Variants in RGMB observed in about 807,000 individuals in gnomAD.
RGMB encodes repulsive guidance molecule B.
RGMB carries 16 observed loss-of-function variants against 26.9 expected under a neutral mutation model. The observed-to-expected ratio is 0.60, with a 90% CI of 0.40 to 0.90. RGMB has a LOEUF of 0.90. Among genes scored for constraint, RGMB ranks in the 40% least tolerant of loss-of-function variants. The pLI is 0.00. For missense variants in RGMB, 512 were observed against 573.3 expected (o/e 0.89, Z 1.09); for synonymous variants, 225 against 229.3 (o/e 0.98, Z 0.17).
At chr5:98,783,170 T>C (rs986658358) in intron 2 of RGMB, among the ~76,000 whole-genome samples, 4 of 152,162 alleles carry the variant, frequency 2.6e-5, no homozygotes, top group African/African-American at 9.7e-5. Context: ...TGCCTCCCTC[T>C]CTTTGGAGGA....
chr5:98,774,066 C>A lies in RGMB; in HGVS notation c.-5C>A. On this transcript the variant is annotated 5_prime_UTR_variant, in exon 1 of 3. Coordinates refer to ENST00000513185, the MANE Select transcript of RGMB (RefSeq NM_001366508.1). ...CCGGAGCCCACGAGACCTGCATGGA[C>A]GGGCATGGGCTTGAGAGCAGCACCT... is the stretch of plus-strand genomic sequence containing the variant. 1.1e-6 allele frequency: 1 copy of A among 943,628 alleles called. No homozygotes were observed. Among genetic ancestry groups the A allele is most frequent in the Non-Finnish European group, 1.6e-6 (1 of 625,344 alleles). The allele number at this position is 943,628 out of a possible 1,614,324, so 58.5% of individuals were successfully genotyped here. A position where few individuals can be genotyped will look rare whatever the true frequency, so the allele number is the denominator to read the frequency against.
chr5:98,779,755 A>G lies in RGMB; in HGVS notation c.312A>G (p.Val104=). ...CAAAAGCCTGCCGTGGCAACCTGGT[A>G]TACCATTCTGCCGTGTTGGGTATCA... ...RTSKACRGNL[V]YHSAVLGISD... is the part of the protein sequence containing the mutation. The change falls in exon 2 of 3, where the codon GTA becomes GTG. Residue 104 remains valine, a synonymous_variant. Transcript: ENST00000513185. 1 of 1,614,072 alleles carries G rather than the reference A, an allele frequency of 6.2e-7. No individual in the cohort carries two copies. The highest frequency in any genetic ancestry group is 1.3e-5 in the African/African-American group (1 of 75,082).
chr5:98,789,348 C>T (rs1746855392), intron 2 of RGMB, among the ~76,000 whole-genome samples: 1 of 152,228 alleles, frequency 6.6e-6, no homozygotes, highest in East Asian at 1.9e-4. Context: ...TTTGAGAAGT[C>T]TGCTGTTTTA....
At chr5:98,779,482 T>C (rs1028681082) in intron 1 of RGMB, 98 bp from the exon 2 acceptor site, 1 of 1,250,794 alleles carries the variant, frequency 8.0e-7, no homozygotes, top group Non-Finnish European at 1.1e-6. Context: ...GTGTATAAAA[T>C]AGAACAAACA....
upstream of RGMB, chr5:98,769,671 TG>T: frequency 6.5e-6 from 1 of 153,600 alleles, no homozygotes; most frequent in Non-Finnish European, 1.4e-5. Flanking sequence ...CCGGGGGACG[TG>T]GGGGGCGAGC....
rs1746993784 is a variant in RGMB at position 98,793,274 on chromosome 5, A to G, written c.835A>G (p.Thr279Ala). 6.2e-7 allele frequency: 1 copy of G among 1,613,840 alleles called. No homozygotes were observed. The highest frequency in any genetic ancestry group is 1.3e-5 in the African/African-American group (1 of 74,940). Residue 279 changes from threonine (T) to alanine (A), a missense_variant, in exon 3 of 3, where the codon ACA becomes GCA. Physicochemically the swap from Thr to Ala is moderately conservative, Grantham distance 58. Coordinates refer to ENST00000513185, the MANE Select transcript of RGMB (RefSeq NM_001366508.1). ...GATGCACGCCCGCTATATAGGGACC[A>G]CAGTGTTTGTGCGGCAGGTGGGTCG... The part of the protein sequence containing the change: ...VEMHARYIGT[T>A]VFVRQVGRYL...
chr5:98,770,833 G>A (rs1746138514), upstream of RGMB: 1 of 441,662 alleles, frequency 2.3e-6, no homozygotes, highest in African/African-American at 2.0e-5. Flanking sequence ...CAAACCACGA[G>A]CTGCTTGACG....
At chr5:98,770,680 A>T (rs1472390575), upstream of RGMB, 3 of 1,455,290 alleles carry the variant, frequency 2.1e-6, no homozygotes, top group Non-Finnish European at 2.7e-6. Context: ...TGATGTAAGT[A>T]CAGGCACTTG....
intron 1 of RGMB, among the ~76,000 whole-genome samples, chr5:98,776,724 A>G (rs1272471805): frequency 2.1e-5 from 3 of 145,060 alleles, no homozygotes; most frequent in Non-Finnish European, 4.6e-5. Context: ...AGCCAAAGCA[A>G]AAGAACCCCG....
chr5:98,771,941 G>GAA (rs11370451), upstream of RGMB, among the ~76,000 whole-genome samples: 1 of 151,960 alleles, frequency 6.6e-6, no homozygotes, highest in African/African-American at 2.4e-5. Context: ...TGGGTTAAGA[G>GAA]AAAAAAATGT....
At chr5:98,772,254 A>G (rs1411864274), upstream of RGMB, among the ~76,000 whole-genome samples, 2 of 152,232 alleles carry the variant, frequency 1.3e-5, no homozygotes, top group Admixed American at 1.3e-4. Flanking sequence ...AGTATGTAAC[A>G]AGTAAGTAAT....
upstream of RGMB, chr5:98,769,984 T>A (rs1746099151): frequency 6.6e-6 from 1 of 152,324 alleles, no homozygotes; most frequent in Admixed American, 6.5e-5. Flanking sequence ...GCCACCGAAG[T>A]CCCTCCCCGG....
At chr5:98,783,643 G>A (rs993525649) in intron 2 of RGMB, among the ~76,000 whole-genome samples, 10 of 152,092 alleles carry the variant, frequency 6.6e-5, no homozygotes, top group African/African-American at 2.4e-4. Context: ...TGTTTAAGTG[G>A]GTTCAATAAG....
intron 2 of RGMB, among the ~76,000 whole-genome samples, chr5:98,789,500 G>A (rs1248272686): frequency 6.6e-6 from 1 of 151,946 alleles, no homozygotes; most frequent in African/African-American, 2.4e-5. Flanking sequence ...TCTCCCGGTG[G>A]AAAGGAGAGG....
chr5:98,782,645 C>T (rs761714528), intron 2 of RGMB, among the ~76,000 whole-genome samples: 1 of 152,168 alleles, frequency 6.6e-6, no homozygotes, highest in Non-Finnish European at 1.5e-5. Context: ...AGACTGATGT[C>T]ATTGGCTAGC....
chr5:98,794,894 G>C lies in RGMB; in HGVS notation c.*1141G>C, dbSNP rs1420674540. The C allele has an allele frequency of 6.6e-6, 1 of 152,186 alleles. No individual in the cohort carries two copies. The highest frequency in any genetic ancestry group is 1.9e-4 in the East Asian group (1 of 5,200). 9.4% of individuals were successfully genotyped at this position (152,186 alleles called of 1,614,324 possible). On this transcript the variant is annotated 3_prime_UTR_variant, in exon 3 of 3. Transcript: ENST00000513185. ...CATGCAAAGTGGAACAGAGTTGGGC[G>C]GCAATGACAGAAGAGCTTCCTTGGC...
intron 1 of RGMB, among the ~76,000 whole-genome samples, chr5:98,776,674 G>A (rs557271136): frequency 7.9e-5 from 12 of 152,282 alleles, no homozygotes; most frequent in African/African-American, 2.6e-4. Flanking sequence ...AGCCCTCTTC[G>A]CTCCCATCAT....
chr5:98,784,862 G>C (rs569389997), intron 2 of RGMB, among the ~76,000 whole-genome samples: 3 of 152,300 alleles, frequency 2.0e-5, no homozygotes, highest in Admixed American at 2.0e-4. Context: ...CTTGCATGCA[G>C]TGTTATAAAG....
In RGMB at chr5:98,774,334, C is replaced by T. The variant is rs761525733; in HGVS notation, c.136+128C>T. The T allele has an allele frequency of 8.6e-4, 825 of 956,800 alleles. 1 individual carries two copies. Among genetic ancestry groups the T allele is most frequent in the Non-Finnish European group, 1.1e-3 (774 of 704,636 alleles). The allele number at this position is 956,800 out of a possible 1,614,324, so 59.3% of individuals were successfully genotyped here. ...GGCGCAACGGGAAAGGCCTCCCGAGCCCCTGACACGCACCTCTGTCGGGCT... is the reference window on the plus strand; with the variant it reads ...GGCGCAACGGGAAAGGCCTCCCGAGTCCCTGACACGCACCTCTGTCGGGCT... On this transcript the variant is annotated intron_variant, in intron 1 of 2. Coordinates refer to ENST00000513185, the MANE Select transcript of RGMB (RefSeq NM_001366508.1).
Sources: allele counts gnomAD v4.1 joint callset (sites outside exome capture counted in the v4.1 genomes callset), GRCh38; gene constraint gnomAD v4.1.1; transcripts MANE v1.5; gene names NCBI Gene and HGNC (gene_info 2026-07-23, HGNC 2026-07-21).